Variants in KLHL29 observed in about 807,000 individuals in gnomAD.
The protein encoded by KLHL29 is kelch like family member 29.
KLHL29 carries 21 observed loss-of-function variants against 80.4 expected under a neutral mutation model. The observed-to-expected ratio is 0.26, with a 90% CI of 0.19 to 0.38. The LOEUF (loss-of-function observed/expected upper bound fraction) is 0.38. Ranked by LOEUF, KLHL29 falls within the 10% of genes least tolerant of loss-of-function variation. The probability of loss-of-function intolerance (pLI) is 1.00; values close to 1 mark genes in which losing one functional copy is unlikely to be tolerated. For missense variants in KLHL29, 867 were observed against 1,223.9 expected, an observed-to-expected ratio of 0.71 and a Z score of 4.35; for synonymous variants, 511 against 526.8, an observed-to-expected ratio of 0.97 and a Z score of 0.41.
At chr2:23,534,681 CAT>C (rs1054808486) in intron 2 of KLHL29, among the ~76,000 whole-genome samples, 12 of 152,194 alleles carry the variant, frequency 7.9e-5, no homozygotes, top group African/African-American at 2.9e-4. Context: ...CACAGAGGCT[CAT>C]AGAGTGGATG....
chr2:23,421,101 G>A (rs1662788230), intron 1 of KLHL29, among the ~76,000 whole-genome samples: 1 of 152,156 alleles, frequency 6.6e-6, no homozygotes, highest in Admixed American at 6.5e-5. Flanking sequence ...AGAAAGGCAG[G>A]GTGACTCGCT....
chr2:23,418,806 T>A (rs1303660591), intron 1 of KLHL29, among the ~76,000 whole-genome samples: 2 of 151,938 alleles, frequency 1.3e-5, no homozygotes, highest in African/African-American at 4.8e-5. Flanking sequence ...ACTGTGAGGA[T>A]TAAAAAAGAA....
rs1468309250 is a variant in KLHL29, at chr2:23,682,892, C to A, written c.941-1507C>A. 0.015 allele frequency among the ~76,000 whole-genome samples: 1 copy of A among 66 alleles called. No individual in the cohort carries two copies. The highest frequency in any genetic ancestry group is 0.028 in the Non-Finnish European group (1 of 36). The allele number at this position is 66 out of a possible 152,430, so 0.0% of individuals were successfully genotyped here. ...GGGGTTGGCGGGGTCAGTGATTCGG[C>A]CTTGCCATGGCTCCCAGAGGGCAGG... On this transcript the variant is annotated intron_variant, in intron 5 of 13. Coordinates refer to ENST00000486442, the MANE Select transcript of KLHL29 (RefSeq NM_052920.2). This position sits in a 1 kb window ranked among gnomAD's most constrained non-coding sequence, Gnocchi z 4.1.
intron 1 of KLHL29, among the ~76,000 whole-genome samples, chr2:23,451,422 C>T (rs1663876856): frequency 6.6e-6 from 1 of 152,150 alleles, no homozygotes; most frequent in Admixed American, 6.5e-5. Flanking sequence ...CCACAGCAAA[C>T]ATCAGTGGCA....
chr2:23,582,767 C>G (rs1025604213), intron 3 of KLHL29, among the ~76,000 whole-genome samples: 1 of 152,174 alleles, frequency 6.6e-6, no homozygotes, highest in Non-Finnish European at 1.5e-5. Flanking sequence ...AACATTCAAA[C>G]TGATGAGAAA....
chr2:23,474,595 C>T (rs1261841305), intron 1 of KLHL29, among the ~76,000 whole-genome samples: 1 of 152,074 alleles, frequency 6.6e-6, no homozygotes, highest in African/African-American at 2.4e-5. Flanking sequence ...TTGAAAATGG[C>T]TATTTGATAT....
intron 1 of KLHL29, among the ~76,000 whole-genome samples, chr2:23,437,606 C>T (rs555101507): frequency 1.3e-5 from 2 of 152,302 alleles, no homozygotes; most frequent in African/African-American, 4.8e-5. Context: ...AGCCTACAGC[C>T]TGTCTCAGTT....
chr2:23,698,635 A>G (rs2551357), intron 11 of KLHL29, among the ~76,000 whole-genome samples: 151,287 of 152,282 alleles, frequency 0.99, 75,157 homozygotes, highest in East Asian at 1. Context: ...AGACAACAGC[A>G]CAATAGACAA....
At chr2:23,541,728 A>G (rs1365160437) in intron 2 of KLHL29, among the ~76,000 whole-genome samples, 1 of 151,110 alleles carries the variant, frequency 6.6e-6, no homozygotes, top group East Asian at 1.9e-4. Flanking sequence ...GCAATCGAAA[A>G]CAGGATTTTT....
intron 2 of KLHL29, among the ~76,000 whole-genome samples, chr2:23,494,605 A>G (rs1665203553): frequency 6.6e-6 from 1 of 152,186 alleles, no homozygotes; most frequent in Admixed American, 6.5e-5. Context: ...CCTTCATGCA[A>G]ACTGCCGAAG....
At chr2:23,625,636 C>T (rs559096764) in intron 3 of KLHL29, among the ~76,000 whole-genome samples, 8 of 152,328 alleles carry the variant, frequency 5.3e-5, no homozygotes, top group African/African-American at 1.7e-4. Flanking sequence ...AGAGAAACAA[C>T]AGGCGGATCG....
chr2:23,627,442 C>T lies in KLHL29; in HGVS notation c.286-11697C>T, dbSNP rs191259627. On this transcript the variant is annotated intron_variant, in intron 3 of 13. Transcript: ENST00000486442. ...GCTGAGCCTTCTGGAACATTCCCAC[C>T]ACGGAGCGGTCATTTCTGCCCAGCT... Among the ~76,000 whole-genome samples the T allele has an allele frequency of 5.3e-5, 8 of 152,332 alleles. No individual in the cohort carries two copies. The East Asian group carries it at 5.8e-4, about 11-fold the overall frequency.
At chr2:23,627,615 C>T (rs1333167944) in intron 3 of KLHL29, among the ~76,000 whole-genome samples, 2 of 152,256 alleles carry the variant, frequency 1.3e-5, no homozygotes, top group South Asian at 2.1e-4. Context: ...CCTCCGAGGC[C>T]GTGTGTGCTG....
chr2:23,434,319 T>TG (rs1161414878), intron 1 of KLHL29, among the ~76,000 whole-genome samples: 1 of 16,974 alleles, frequency 5.9e-5, no homozygotes, highest in Non-Finnish European at 9.8e-5. Context: ...AGACTCCGTC[T>TG]CAAAAAAAAA....
chr2:23,402,267 T>C (rs1033698284), intron 1 of KLHL29, among the ~76,000 whole-genome samples: 7 of 152,228 alleles, frequency 4.6e-5, no homozygotes, highest in African/African-American at 1.7e-4. Context: ...CTCTCAGTGT[T>C]GACTATTGTC....
chr2:23,497,122 C>G (rs887092799), intron 2 of KLHL29, among the ~76,000 whole-genome samples: 5 of 151,956 alleles, frequency 3.3e-5, no homozygotes, highest in African/African-American at 1.2e-4. Context: ...GCCACCTTTA[C>G]CAGGCAGTGC....
chr2:23,483,617 C>T (rs1411703323), intron 2 of KLHL29, among the ~76,000 whole-genome samples: 1 of 152,200 alleles, frequency 6.6e-6, no homozygotes, highest in Non-Finnish European at 1.5e-5. Context: ...ATTTATGTTA[C>T]CTCCTTCTGT....
chr2:23,486,960 C>T (rs1409025872), intron 2 of KLHL29, among the ~76,000 whole-genome samples: 5 of 152,212 alleles, frequency 3.3e-5, no homozygotes, highest in African/African-American at 1.2e-4. Flanking sequence ...GGAATCCTCC[C>T]AGTGGCCTTA....
chr2:23,469,220 C>A (rs1664431453), intron 1 of KLHL29, among the ~76,000 whole-genome samples: 1 of 152,196 alleles, frequency 6.6e-6, no homozygotes, highest in African/African-American at 2.4e-5. Flanking sequence ...AGTGGAGCCT[C>A]TATAGATGGG....
Sources: gnomAD v4.1 joint callset for allele counts (sites outside exome capture counted in the v4.1 genomes callset) on GRCh38, gnomAD v4.1.1 for gene constraint, Gnocchi (gnomAD v3.1) non-coding constraint, MANE v1.5 for transcripts, NCBI Gene and HGNC (gene_info 2026-07-23, HGNC 2026-07-21) for gene names.